Variants in GPSM1 observed in about 807,000 individuals in gnomAD.
GPSM1 encodes G protein signaling modulator 1.
GPSM1 carries 48 observed loss-of-function variants against 70.5 expected under a neutral mutation model. The observed-to-expected ratio is 0.68, with a 90% CI of 0.54 to 0.87. The LOEUF (loss-of-function observed/expected upper bound fraction) is 0.87, where lower values mean the gene tolerates loss of function less well. Ranked by LOEUF, GPSM1 falls within the 40% of genes least tolerant of loss-of-function variation. The probability of loss-of-function intolerance (pLI) is 0.00; values close to 1 mark genes in which losing one functional copy is unlikely to be tolerated. For synonymous variants in GPSM1, 416 were observed against 430.1 expected, an observed-to-expected ratio of 0.97 and a Z score of 0.41; for missense variants, 981 against 972.6, an observed-to-expected ratio of 1.01 and a Z score of -0.11.
At chr9:136,332,871 T>C (rs1832135964) in intron 1 of GPSM1, among the ~76,000 whole-genome samples, 1 of 136,080 alleles carries the variant, frequency 7.3e-6, no homozygotes, top group African/African-American at 2.8e-5. Flanking sequence ...AAGCTGGGCA[T>C]GATGGTGCAA....
intron 7 of GPSM1, 36 bp from the exon 8 acceptor site, chr9:136,339,671 G>A (rs1554769847): frequency 7.1e-7 from 1 of 1,400,292 alleles, no homozygotes; most frequent in South Asian, 1.2e-5. Context: ...CTGGCCTGGA[G>A]AGGGCGGGTA....
intron 9 of GPSM1, among the ~76,000 whole-genome samples, chr9:136,346,572 T>A (rs1242391844): frequency 1.3e-5 from 2 of 152,090 alleles, no homozygotes; most frequent in Admixed American, 1.3e-4. Flanking sequence ...AGGACCCCCT[T>A]CCCAGTTGGG....
chr9:136,338,719 G>T lies in GPSM1; in HGVS notation c.974+9G>T, dbSNP rs1554769726. The T allele has an allele frequency of 1.3e-6, 2 of 1,540,060 alleles. No homozygotes were observed. The highest frequency in any genetic ancestry group is 8.7e-7 in the Non-Finnish European group (1 of 1,143,996). Reference sequence around the variant, plus strand: ...CAGGAGCTGGCCGACAGGTGCGTGGGCGCGGACGCGGCGGGCAGACCCGGC... The same window carrying T: ...CAGGAGCTGGCCGACAGGTGCGTGGTCGCGGACGCGGCGGGCAGACCCGGC... On this transcript the variant is annotated intron_variant, in intron 7 of 13. Transcript: ENST00000440944.
rs1470608441 is a variant in GPSM1, at chr9:136,341,166, A to G, written c.1207+173A>G. On this transcript the variant is annotated intron_variant, in intron 9 of 13. Transcript: ENST00000440944. The surrounding 1 kb of genome is among the most constrained non-coding windows in gnomAD (Gnocchi z 6.7). The stretch of plus-strand genomic sequence containing the variant: ...CAGGGACAGCACAGGCCTGAGGTTC[A>G]CCCTGAGCCCTTCCCACCCGCATCC... 3.2e-6 allele frequency: 5 copies of G among 1,549,032 alleles called. No individual in the cohort carries two copies. The highest frequency in any genetic ancestry group is 3.5e-6 in the Non-Finnish European group (4 of 1,146,464).
At chr9:136,348,130 G>A (rs782422922) in intron 9 of GPSM1, among the ~76,000 whole-genome samples, 6 of 152,310 alleles carry the variant, frequency 3.9e-5, no homozygotes, top group East Asian at 1.9e-4. Context: ...GGTGAGCCCC[G>A]GGCCAGGAGG....
intron 9 of GPSM1, among the ~76,000 whole-genome samples, chr9:136,344,402 G>T (rs1832471699): frequency 6.6e-6 from 1 of 152,238 alleles, no homozygotes; most frequent in Non-Finnish European, 1.5e-5. Flanking sequence ...GAGGCCAGAA[G>T]GCCAGGGTTT....
chr9:136,332,716 T>A (rs553165898), intron 1 of GPSM1, among the ~76,000 whole-genome samples: 2 of 150,046 alleles, frequency 1.3e-5, no homozygotes, highest in African/African-American at 4.9e-5. Context: ...GAGGGATGGG[T>A]GAGGTGGCTG....
chr9:136,347,125 G>A (rs1360657794), intron 9 of GPSM1, among the ~76,000 whole-genome samples: 1 of 152,110 alleles, frequency 6.6e-6, no homozygotes, highest in Non-Finnish European at 1.5e-5. Context: ...CTTCACTTTA[G>A]GAGCTGAGCC....
intron 11 of GPSM1, among the ~76,000 whole-genome samples, chr9:136,351,263 A>C (rs1832655422): frequency 6.6e-6 from 1 of 151,868 alleles, no homozygotes; most frequent in Non-Finnish European, 1.5e-5. Flanking sequence ...CTGATGGGAG[A>C]GGTGTGGAGG....
At position 136,358,820 on chromosome 9, in the gene GPSM1, C is replaced by T. The variant is rs1486683366; in HGVS notation, c.*600C>T. The T allele has an allele frequency of 6.4e-6, 1 of 156,320 alleles. No individual in the cohort carries two copies. Among genetic ancestry groups the T allele is most frequent in the African/African-American group, 2.4e-5 (1 of 41,496 alleles). 9.7% of individuals were successfully genotyped at this position (156,320 alleles called of 1,614,324 possible). ...CTGCAGTGGCAGCCCTGAGGTGCCC[C>T]CCGCCGAGTCCCAGGGCCCTGCAGG... is the stretch of plus-strand genomic sequence containing the variant. On this transcript the variant is annotated 3_prime_UTR_variant, in exon 14 of 14. Transcript: ENST00000440944.
chr9:136,350,999 C>A (rs1232960987), intron 11 of GPSM1, among the ~76,000 whole-genome samples: 1 of 152,188 alleles, frequency 6.6e-6, no homozygotes, highest in East Asian at 1.9e-4. Flanking sequence ...TTCAGGGGCA[C>A]CGATGGGCCG....
At chr9:136,349,055 C>A (rs1170578191) in intron 10 of GPSM1, among the ~76,000 whole-genome samples, 1 of 152,250 alleles carries the variant, frequency 6.6e-6, no homozygotes, top group Non-Finnish European at 1.5e-5. Flanking sequence ...CAGACAGGGG[C>A]ACCCACTCCT....
rs1554769582 is a variant in GPSM1, at chr9:136,337,964, A to G, written c.818+3A>G. 1 of 1,586,404 alleles carries G rather than the reference A, an allele frequency of 6.3e-7. No homozygotes were observed. ...GACGTGGCCGCCGAGTACTACAAGT[A>G]GGTGGTCCCCACAATCTCCCAGGGA... On this transcript the variant is annotated splice_donor_region_variant and intron_variant, in intron 6 of 13. Transcript: ENST00000440944.
At chr9:136,338,006 G>A (rs782291012) in intron 6 of GPSM1, 45 bp downstream of exon 6, 14 of 1,293,742 alleles carry the variant, frequency 1.1e-5, no homozygotes, top group Middle Eastern at 1.9e-4. Flanking sequence ...AGGCCGGGGG[G>A]GCTGGATGCC....
Position 136,347,578 on chromosome 9 carries a change from G to C in GPSM1, c.1208-1119G>C, listed in dbSNP as rs117728167. 2.4e-4 allele frequency among the ~76,000 whole-genome samples: 37 copies of C among 152,316 alleles called. No homozygotes were observed. In the East Asian group the frequency reaches 6.8e-3, roughly 28 times the overall value. ...TCGTCCCCTCTGCCTAGAACGTTCT[G>C]CTGCCCTTTCCACAGTGGCTGTGCC... On this transcript the variant is annotated intron_variant, in intron 9 of 13. Coordinates refer to ENST00000440944, the MANE Select transcript of GPSM1 (RefSeq NM_001145638.3).
rs1385965119 is a variant in GPSM1, at chr9:136,341,380, C to T, written c.1207+387C>T. The T allele has an allele frequency of 1.1e-5, 16 of 1,425,948 alleles. No individual in the cohort carries two copies. The highest frequency in any genetic ancestry group is 1.5e-5 in the Non-Finnish European group (16 of 1,095,004). 88.3% of individuals were successfully genotyped at this position (1,425,948 alleles called of 1,614,324 possible). On this transcript the variant is annotated intron_variant, in intron 9 of 13. Coordinates refer to ENST00000440944, the MANE Select transcript of GPSM1 (RefSeq NM_001145638.3). This position sits in a 1 kb window ranked among gnomAD's most constrained non-coding sequence, Gnocchi z 6.7. The stretch of plus-strand genomic sequence containing the variant: ...GCATCAGCCAGAGGGCTGGGCTGGG[C>T]TGGGCTGGGCTGGGCTGTGGGAGCC...
In GPSM1 at chr9:136,343,049, A is replaced by G. The variant is rs978145131; in HGVS notation, c.1207+2056A>G. Reference sequence around the variant, plus strand: ...CAAAGAGCCTTGGCGCGGCTCAGTCAGCGTATTAATCTCACCGCCCTCTGC... The same window carrying G: ...CAAAGAGCCTTGGCGCGGCTCAGTCGGCGTATTAATCTCACCGCCCTCTGC... On this transcript the variant is annotated intron_variant, in intron 9 of 13. Transcript: ENST00000440944. The surrounding 1 kb of genome is among the most constrained non-coding windows in gnomAD (Gnocchi z 6.0). Among the ~76,000 whole-genome samples, 1 of 152,078 alleles carries G rather than the reference A, an allele frequency of 6.6e-6. No individual in the cohort carries two copies. The highest frequency in any genetic ancestry group is 1.5e-5 in the Non-Finnish European group (1 of 67,992).
intron 11 of GPSM1, 55 bp downstream of exon 11, chr9:136,349,818 C>T (rs907528317): frequency 5.0e-5 from 74 of 1,466,908 alleles, no homozygotes; most frequent in Non-Finnish European, 6.2e-5. Context: ...TTGGCAACTG[C>T]GCCCCAACTC....
At chr9:136,332,186 A>AGCGG (rs1320560885) in intron 1 of GPSM1, 2 of 398,780 alleles carry the variant, frequency 5.0e-6, no homozygotes, top group African/African-American at 4.1e-5. Flanking sequence ...GCGGGCAGCG[A>AGCGG]GTGGGGTGGT....
Sources: allele counts gnomAD v4.1 joint callset (sites outside exome capture counted in the v4.1 genomes callset), GRCh38; gene constraint gnomAD v4.1.1; non-coding constraint Gnocchi (gnomAD v3.1); transcripts MANE v1.5; gene names NCBI Gene and HGNC (gene_info 2026-07-23, HGNC 2026-07-21).